Variants in NEDD1 observed in about 807,000 individuals in gnomAD.
NEDD1 encodes the protein NEDD1 gamma-tubulin ring complex targeting factor, also known as protein NEDD1.
Under a neutral mutation model 74.0 loss-of-function variants are expected in NEDD1, and 33 were observed. The observed-to-expected ratio is 0.45, with a 90% CI of 0.34 to 0.60. NEDD1 has a LOEUF of 0.60. Ranked by LOEUF, NEDD1 falls within the 20% of genes least tolerant of loss-of-function variation. The pLI is 0.01. For synonymous variants in NEDD1, 250 were observed against 264.4 expected (o/e 0.95, Z 0.53); for missense variants, 746 against 776.5 (o/e 0.96, Z 0.47).
chr12:96,928,085 A>G (rs1459416331), intron 6 of NEDD1, among the ~76,000 whole-genome samples: 3 of 152,012 alleles, frequency 2.0e-5, no homozygotes, highest in African/African-American at 7.2e-5. Context: ...TTCTCCTTCT[A>G]TTTTTCTCTT....
intron 14 of NEDD1, among the ~76,000 whole-genome samples, chr12:96,950,410 C>T (rs1381549889): frequency 2.6e-5 from 4 of 151,880 alleles, no homozygotes; most frequent in African/African-American, 7.2e-5. Context: ...CATCAATGGA[C>T]ATTGGCACAT....
chr12:96,926,726 TTCACACCTGGAA>T (rs1875739376), intron 6 of NEDD1, among the ~76,000 whole-genome samples: 1 of 152,056 alleles, frequency 6.6e-6, no homozygotes, highest in African/African-American at 2.4e-5. Flanking sequence ...GGCACAGTGG[TTCACACCTGGAA>T]TCCCAGCACT....
At chr12:96,944,162 A>T (rs968422658) in intron 12 of NEDD1, among the ~76,000 whole-genome samples, 5 of 151,976 alleles carry the variant, frequency 3.3e-5, no homozygotes, top group African/African-American at 1.2e-4. Flanking sequence ...ACAGAATTTA[A>T]TTTTTTATGT....
chr12:96,914,153 C>A (rs907975509), intron 4 of NEDD1, among the ~76,000 whole-genome samples: 1 of 152,180 alleles, frequency 6.6e-6, no homozygotes, highest in Non-Finnish European at 1.5e-5. Flanking sequence ...AGACTGAAGT[C>A]TTCAAGAGCA....
chr12:96,944,910 T>C (rs533785304), intron 13 of NEDD1, 115 bp downstream of exon 13: 2 of 761,210 alleles, frequency 2.6e-6, no homozygotes. Flanking sequence ...TCAAAGAGTT[T>C]AAAGTTTGTG....
intron 4 of NEDD1, among the ~76,000 whole-genome samples, chr12:96,913,497 T>A (rs769398414): frequency 2.6e-5 from 4 of 151,848 alleles, no homozygotes; most frequent in Non-Finnish European, 4.4e-5. Context: ...CCTCAGCCTC[T>A]CAAGTGGCAG....
chr12:96,917,735 A>T lies in NEDD1; in HGVS notation c.346A>T (p.Lys116Ter). 2 of 1,548,410 alleles carry T rather than the reference A, an allele frequency of 1.3e-6. No homozygotes were observed. The highest frequency in any genetic ancestry group is 1.7e-6 in the Non-Finnish European group (2 of 1,159,462). ...LKSKRVHRSL[K>*]DHKDQVTCVT... The stretch of plus-strand genomic sequence containing the variant: ...ATCAAAAAGAGTTCATCGATCTCTT[A>T]AGGTAAGCAATTTAAAAAAAATCTT... The change falls in exon 5 of 16, where the codon AAG (lysine) becomes TAG (stop). Residue 116 changes from lysine to a stop codon, truncating the protein, a stop_gained and splice_region_variant. Coordinates refer to ENST00000266742, the MANE Select transcript of NEDD1 (RefSeq NM_152905.4). LOFTEE classifies it high-confidence loss of function.
intron 6 of NEDD1, among the ~76,000 whole-genome samples, chr12:96,929,596 C>CACACACACAT (rs1876133930): frequency 1.5e-5 from 1 of 67,014 alleles, no homozygotes; most frequent in African/African-American, 7.4e-5. Context: ...CACACACACA[C>CACACACACAT]ACACATATGT....
chr12:96,938,352 A>T (rs192281343), intron 9 of NEDD1, among the ~76,000 whole-genome samples: 2 of 152,198 alleles, frequency 1.3e-5, no homozygotes, highest in African/African-American at 4.8e-5. Flanking sequence ...TTAAGGAAGA[A>T]ATTATTTTTG....
intron 2 of NEDD1, 21 bp from the exon 3 acceptor site, chr12:96,909,731 A>G: frequency 6.3e-7 from 1 of 1,585,884 alleles, no homozygotes; most frequent in Non-Finnish European, 8.6e-7. Flanking sequence ...TTTAAAATAC[A>G]TTGTTTTAAA....
chr12:96,908,207 G>C (rs1456873807), intron 2 of NEDD1, among the ~76,000 whole-genome samples: 1 of 152,190 alleles, frequency 6.6e-6, no homozygotes, highest in Non-Finnish European at 1.5e-5. Flanking sequence ...GCTTTTAGTA[G>C]CACTGTATCG....
intron 13 of NEDD1, 85 bp downstream of exon 13, chr12:96,944,880 T>A: frequency 9.9e-7 from 1 of 1,012,252 alleles, no homozygotes; most frequent in Non-Finnish European, 1.4e-6. Flanking sequence ...AGAAATAGAG[T>A]AATCATAGAC....
At position 96,949,722 on chromosome 12, in the gene NEDD1, A is replaced by G. The variant is rs2136630269; in HGVS notation, c.1812-1710A>G. ...GACATACTGGCCAAAGGAATGAAAT[A>G]AGCTGGAAAGAAACCTATGCATATA... On this transcript the variant is annotated intron_variant, in intron 14 of 15. Coordinates refer to ENST00000266742, the MANE Select transcript of NEDD1 (RefSeq NM_152905.4). 2.6e-5 allele frequency among the ~76,000 whole-genome samples: 4 copies of G among 152,270 alleles called. 1 individual carries two copies. The highest frequency in any genetic ancestry group is 2.6e-4 in the Admixed American group (4 of 15,298).
chr12:96,907,274 G>T lies in NEDD1; in HGVS notation c.-288G>T, dbSNP rs570171947. Reference sequence around the variant, plus strand: ...GGAAGCCCAGCGCGGAGCCGGCCGCGGCCCCCTGTTGTGTTGCTGCGGAGA... The same window carrying T: ...GGAAGCCCAGCGCGGAGCCGGCCGCTGCCCCCTGTTGTGTTGCTGCGGAGA... On this transcript the variant is annotated 5_prime_UTR_variant, in exon 1 of 16. Transcript: ENST00000266742. The T allele has an allele frequency of 1.2e-5, 3 of 253,484 alleles. No individual in the cohort carries two copies. Among genetic ancestry groups the T allele is most frequent in the Admixed American group, 5.6e-5 (1 of 17,902 alleles). 15.7% of individuals were successfully genotyped at this position (253,484 alleles called of 1,614,324 possible). A position where few individuals can be genotyped will look rare whatever the true frequency, so the allele number is the denominator to read the frequency against.
chr12:96,926,857 C>T (rs1875750850), intron 6 of NEDD1, among the ~76,000 whole-genome samples: 2 of 151,526 alleles, frequency 1.3e-5, no homozygotes, highest in East Asian at 3.9e-4. Context: ...TGTGGTGGTG[C>T]GCGCCTATAG....
chr12:96,935,219 G>A lies in NEDD1; in HGVS notation c.719+14G>A. The A allele has an allele frequency of 7.3e-7, 1 of 1,362,514 alleles. No homozygotes were observed. Among genetic ancestry groups the A allele is most frequent in the South Asian group, 1.2e-5 (1 of 85,794 alleles). 84.4% of individuals were successfully genotyped at this position (1,362,514 alleles called of 1,614,324 possible). A position where few individuals can be genotyped will look rare whatever the true frequency, so the allele number is the denominator to read the frequency against. On this transcript the variant is annotated intron_variant, in intron 7 of 15. Transcript: ENST00000266742. Reference sequence around the variant, plus strand: ...TTCAAGTAAGAAGTAAGTGTGACATGCTTATTTCTTAATTTAGTAACAAAT... The same window carrying A: ...TTCAAGTAAGAAGTAAGTGTGACATACTTATTTCTTAATTTAGTAACAAAT...
chr12:96,907,685 G>T lies in NEDD1; in HGVS notation c.-180G>T. 6.4e-7 allele frequency: 1 copy of T among 1,550,648 alleles called. No individual in the cohort carries two copies. Among genetic ancestry groups the T allele is most frequent in the Non-Finnish European group, 8.7e-7 (1 of 1,146,238 alleles). ...GTGTATTTTTGGTGATTGAAAGTTGGAGAACTTTCATTTCAGCTGAGTGGT... is the reference window on the plus strand; with the variant it reads ...GTGTATTTTTGGTGATTGAAAGTTGTAGAACTTTCATTTCAGCTGAGTGGT... On this transcript the variant is annotated 5_prime_UTR_variant, in exon 2 of 16. Coordinates refer to ENST00000266742, the MANE Select transcript of NEDD1 (RefSeq NM_152905.4).
intron 10 of NEDD1, among the ~76,000 whole-genome samples, chr12:96,941,610 C>A (rs1427005033): frequency 6.6e-6 from 1 of 151,992 alleles, no homozygotes; most frequent in African/African-American, 2.4e-5. Flanking sequence ...GGGATTAGTG[C>A]TGAATTGCGA....
At chr12:96,909,614 C>A in intron 2 of NEDD1, 138 bp from the exon 3 acceptor site, 1 of 649,644 alleles carries the variant, frequency 1.5e-6, no homozygotes, top group Non-Finnish European at 2.6e-6. Flanking sequence ...AAAATCACTT[C>A]AACTGCTTTG....
Sources: gnomAD v4.1 joint callset for allele counts (sites outside exome capture counted in the v4.1 genomes callset) on GRCh38, gnomAD v4.1.1 for gene constraint, MANE v1.5 for transcripts, NCBI Gene and HGNC (gene_info 2026-07-23, HGNC 2026-07-21) for gene names.